LRRTM3: variants seen among roughly 807,000 people sequenced by gnomAD.
LRRTM3 encodes the protein leucine rich repeat transmembrane neuronal 3, also known as leucine-rich repeat transmembrane neuronal protein 3.
In LRRTM3, 24 loss-of-function variants were observed where a neutral mutation model predicts 44.7. That is an observed-to-expected ratio of 0.54 (90% CI 0.39 to 0.76). The LOEUF is 0.76. Ranked by LOEUF, LRRTM3 falls within the 30% of genes least tolerant of loss-of-function variation. The pLI is 0.00. For missense variants in LRRTM3, 587 were observed against 702.2 expected, an observed-to-expected ratio of 0.84 and a Z score of 1.85; for synonymous variants, 277 against 278.7, an observed-to-expected ratio of 0.99 and a Z score of 0.06.
intron 2 of LRRTM3, among the ~76,000 whole-genome samples, chr10:66,997,104 G>A (rs1360677229): frequency 6.6e-6 from 1 of 152,168 alleles, no homozygotes; most frequent in Non-Finnish European, 1.5e-5. Context: ...GCAAGAATAA[G>A]AGCAGAAGAT....
intron 2 of LRRTM3, among the ~76,000 whole-genome samples, chr10:67,003,849 T>C (rs946435843): frequency 1.3e-5 from 2 of 152,162 alleles, no homozygotes; most frequent in Non-Finnish European, 2.9e-5. Context: ...GATTTTAACA[T>C]ACATTTGCAA....
intron 2 of LRRTM3, among the ~76,000 whole-genome samples, chr10:66,976,371 A>C (rs1367254294): frequency 6.6e-6 from 1 of 152,124 alleles, no homozygotes; most frequent in Non-Finnish European, 1.5e-5. Flanking sequence ...CATTTCAGAC[A>C]AAGAAAAACA....
intron 1 of LRRTM3, 42 bp downstream of exon 1, chr10:66,926,629 A>G: frequency 6.2e-7 from 1 of 1,606,640 alleles, no homozygotes. Flanking sequence ...TAAAAACAAA[A>G]AACAAAAAAC....
intron 2 of LRRTM3, among the ~76,000 whole-genome samples, chr10:67,002,452 A>C (rs1349735433): frequency 6.6e-6 from 1 of 152,210 alleles, no homozygotes; most frequent in Admixed American, 6.5e-5. Context: ...TACAAGGTTG[A>C]ATCTAAATCC....
rs188262959 is a variant in LRRTM3, at chr10:67,029,052, A to G, written c.1537-68535A>G. On this transcript the variant is annotated intron_variant, in intron 2 of 2. Transcript: ENST00000361320. ...AATAACATCAGACTAGCCCAGGAGT[A>G]TATGTGGATGTAAGAGCACACTACG... Among the ~76,000 whole-genome samples, 370 of 152,266 alleles carry G rather than the reference A, an allele frequency of 2.4e-3. 1 individual carries two copies. The highest frequency in any genetic ancestry group is 9.9e-3 in the South Asian group (48 of 4,828).
intron 2 of LRRTM3, among the ~76,000 whole-genome samples, chr10:67,045,430 T>TTTG (rs757199869): frequency 3.8e-4 from 58 of 152,118 alleles, no homozygotes; most frequent in Non-Finnish European, 6.9e-4. Context: ...GTTGTTGTTG[T>TTTG]TTGTTGTTGT....
chr10:66,958,965 G>C (rs918177330), intron 2 of LRRTM3, among the ~76,000 whole-genome samples: 4 of 152,010 alleles, frequency 2.6e-5, no homozygotes, highest in Non-Finnish European at 4.4e-5. Flanking sequence ...TCAGACATAG[G>C]GAGAGAGAGT....
At chr10:66,996,986 A>G (rs1358003213) in intron 2 of LRRTM3, among the ~76,000 whole-genome samples, 1 of 152,178 alleles carries the variant, frequency 6.6e-6, no homozygotes, top group Non-Finnish European at 1.5e-5. Context: ...AATGCAAAAG[A>G]TAATCAAGAA....
chr10:67,009,118 T>C (rs1352716594), intron 2 of LRRTM3, among the ~76,000 whole-genome samples: 1 of 152,168 alleles, frequency 6.6e-6, no homozygotes, highest in African/African-American at 2.4e-5. Flanking sequence ...CATGTATTCA[T>C]TATTTTTAAT....
intron 2 of LRRTM3, among the ~76,000 whole-genome samples, chr10:67,029,574 T>C (rs931443686): frequency 2.0e-5 from 3 of 152,222 alleles, no homozygotes; most frequent in African/African-American, 7.2e-5. Context: ...AAGTGAGTTT[T>C]AACATTGTAT....
Position 67,023,137 on chromosome 10 carries a change from A to C in LRRTM3, c.1537-74450A>C, listed in dbSNP as rs187644131. 8.6e-3 allele frequency among the ~76,000 whole-genome samples: 1,310 copies of C among 152,274 alleles called. 17 individuals carry two copies. Among genetic ancestry groups the C allele is most frequent in the South Asian group, 0.039 (190 of 4,822 alleles). On this transcript the variant is annotated intron_variant, in intron 2 of 2. Transcript: ENST00000361320. Reference sequence around the variant, plus strand: ...GGTAGACTTTTTGTAGAAATTGACAAGTAGATTCTAATATTTATGTGGAAA... The same window carrying C: ...GGTAGACTTTTTGTAGAAATTGACACGTAGATTCTAATATTTATGTGGAAA...
intron 2 of LRRTM3, among the ~76,000 whole-genome samples, chr10:67,074,033 T>C (rs957982653): frequency 7.7e-5 from 9 of 117,458 alleles, no homozygotes; most frequent in African/African-American, 2.7e-4. Context: ...CCATTTTAAC[T>C]CTTTTTTTTT....
intron 2 of LRRTM3, among the ~76,000 whole-genome samples, chr10:67,039,390 G>C (rs187060792): frequency 2.9e-4 from 44 of 152,220 alleles, no homozygotes; most frequent in African/African-American, 1.0e-3. Flanking sequence ...AGCAGAAAAA[G>C]CCTAGTATTA....
intron 2 of LRRTM3, among the ~76,000 whole-genome samples, chr10:67,074,428 G>A (rs1486763910): frequency 1.5e-5 from 2 of 133,730 alleles, no homozygotes; most frequent in Non-Finnish European, 3.0e-5. Flanking sequence ...TCGGCTCACT[G>A]CAAGCTCCAC....
intron 2 of LRRTM3, among the ~76,000 whole-genome samples, chr10:67,001,366 G>T (rs986027998): frequency 2.0e-5 from 3 of 151,044 alleles, no homozygotes; most frequent in Non-Finnish European, 4.4e-5. Context: ...ATAAAATCTG[G>T]GCTGTGAGTT....
chr10:67,027,250 A>T (rs1853445366), intron 2 of LRRTM3, among the ~76,000 whole-genome samples: 1 of 152,176 alleles, frequency 6.6e-6, no homozygotes, highest in South Asian at 2.1e-4. Context: ...GAAAAGGAAG[A>T]TAGAGCTGAA....
intron 2 of LRRTM3, among the ~76,000 whole-genome samples, chr10:66,981,157 G>A (rs1589540769): frequency 6.6e-6 from 1 of 152,190 alleles, no homozygotes; most frequent in East Asian, 1.9e-4. Flanking sequence ...ACCTACCTTG[G>A]CCTCCCAAAG....
intron 2 of LRRTM3, among the ~76,000 whole-genome samples, chr10:66,948,494 C>A (rs1016346607): frequency 6.6e-6 from 1 of 152,126 alleles, no homozygotes; most frequent in African/African-American, 2.4e-5. Context: ...TGACAACTGA[C>A]CGATTCTTAT....
At chr10:67,094,748 A>G (rs1381693152) in intron 2 of LRRTM3, among the ~76,000 whole-genome samples, 1 of 151,768 alleles carries the variant, frequency 6.6e-6, no homozygotes, top group Non-Finnish European at 1.5e-5. Context: ...ACATTCCAAT[A>G]AAATTGTCAG....
Sources: allele counts gnomAD v4.1 joint callset (sites outside exome capture counted in the v4.1 genomes callset), GRCh38; gene constraint gnomAD v4.1.1; transcripts MANE v1.5; gene names NCBI Gene and HGNC (gene_info 2026-07-23, HGNC 2026-07-21).